SEL1L2: variants seen among roughly 807,000 people sequenced by gnomAD.
The protein encoded by SEL1L2 is SEL1L2 adaptor subunit of SYVN1 ubiquitin ligase.
A neutral mutation model predicts 98.8 loss-of-function variants in SEL1L2; 89 were observed. That is an observed-to-expected ratio of 0.90 (90% confidence interval 0.76 to 1.07). The LOEUF (loss-of-function observed/expected upper bound fraction) is 1.07. Ranked by LOEUF, SEL1L2 falls within the 50% of genes least tolerant of loss-of-function variation. SEL1L2 has a pLI of 0.00. For synonymous variants in SEL1L2, 262 were observed against 278.5 expected, an observed-to-expected ratio of 0.94 and a Z score of 0.59; for missense variants, 788 against 812.0, an observed-to-expected ratio of 0.97 and a Z score of 0.36.
intron 1 of SEL1L2, among the ~76,000 whole-genome samples, chr20:13,983,044 A>AAAAAAAAAAAAC: frequency 6.9e-6 from 1 of 144,294 alleles, no homozygotes; most frequent in Admixed American, 7.0e-5. Context: ...AAAAAAAAAA[A>AAAAAAAAAAAAC]AAAAGCAGCA....
chr20:13,899,676 C>A (rs941756030), intron 5 of SEL1L2, among the ~76,000 whole-genome samples: 1 of 152,074 alleles, frequency 6.6e-6, no homozygotes, highest in East Asian at 1.9e-4. Flanking sequence ...AAGGCCTCAC[C>A]TATTAATATT....
intron 5 of SEL1L2, among the ~76,000 whole-genome samples, chr20:13,895,729 A>G (rs2047395295): frequency 6.6e-6 from 1 of 152,244 alleles, no homozygotes; most frequent in Non-Finnish European, 1.5e-5. Flanking sequence ...CAGCATAGTC[A>G]TGGAAGTCCT....
chr20:13,940,052 G>A (rs2049682878), intron 2 of SEL1L2, among the ~76,000 whole-genome samples: 1 of 152,206 alleles, frequency 6.6e-6, no homozygotes, highest in South Asian at 2.1e-4. Flanking sequence ...AGGAATTGAA[G>A]ATATAGTGAC....
chr20:13,941,745 T>G (rs1357966678), intron 2 of SEL1L2, among the ~76,000 whole-genome samples: 1 of 152,152 alleles, frequency 6.6e-6, no homozygotes, highest in Non-Finnish European at 1.5e-5. Flanking sequence ...TGGGTGCCTA[T>G]ATATGAAACA....
At chr20:13,910,443 C>T (rs1192904466) in intron 5 of SEL1L2, among the ~76,000 whole-genome samples, 1 of 152,078 alleles carries the variant, frequency 6.6e-6, no homozygotes, top group Non-Finnish European at 1.5e-5. Flanking sequence ...TTCAGAGATA[C>T]TAAAAGAATG....
intron 2 of SEL1L2, among the ~76,000 whole-genome samples, chr20:13,952,654 C>T (rs1028126501): frequency 9.9e-5 from 15 of 152,182 alleles, no homozygotes; most frequent in Non-Finnish European, 5.9e-5. Flanking sequence ...TGCCTGCTCC[C>T]GTCTTTCTAG....
At chr20:13,882,027 T>A (rs965383584) in intron 10 of SEL1L2, among the ~76,000 whole-genome samples, 1 of 152,324 alleles carries the variant, frequency 6.6e-6, no homozygotes, top group African/African-American at 2.4e-5. Context: ...TGCATACATA[T>A]GTATATATTA....
chr20:13,905,013 G>GT (rs2148122902), intron 5 of SEL1L2, among the ~76,000 whole-genome samples: 1 of 152,228 alleles, frequency 6.6e-6, no homozygotes, highest in Non-Finnish European at 1.5e-5. Context: ...TGTGAGAGTT[G>GT]TATTTCCATT....
intron 1 of SEL1L2, among the ~76,000 whole-genome samples, chr20:13,956,724 A>G (rs1200546106): frequency 6.6e-6 from 1 of 152,150 alleles, no homozygotes; most frequent in Non-Finnish European, 1.5e-5. Flanking sequence ...TATAGAATAC[A>G]TGCATAATCA....
intron 4 of SEL1L2, among the ~76,000 whole-genome samples, chr20:13,914,556 C>A (rs937892253): frequency 6.6e-6 from 1 of 152,154 alleles, no homozygotes; most frequent in African/African-American, 2.4e-5. Flanking sequence ...CCTGGTCCCA[C>A]CACTTACTAG....
intron 5 of SEL1L2, among the ~76,000 whole-genome samples, chr20:13,912,953 AC>A (rs35754008): frequency 1.3e-3 from 203 of 152,334 alleles, no homozygotes; most frequent in Non-Finnish European, 2.0e-3. Context: ...AGAGAGTGAA[AC>A]AAAGGTCAAA....
intron 2 of SEL1L2, among the ~76,000 whole-genome samples, chr20:13,940,963 G>A (rs953645199): frequency 6.6e-6 from 1 of 152,204 alleles, no homozygotes; most frequent in Non-Finnish European, 1.5e-5. Flanking sequence ...CTAGGCGAAG[G>A]ATGATGTGAC....
At chr20:13,882,587 C>T (rs1199506150) in intron 10 of SEL1L2, among the ~76,000 whole-genome samples, 1 of 152,158 alleles carries the variant, frequency 6.6e-6, no homozygotes, top group Non-Finnish European at 1.5e-5. Flanking sequence ...CATCATAAAC[C>T]AGCCAGCTCT....
At chr20:13,911,862 A>G (rs1453894259) in intron 5 of SEL1L2, among the ~76,000 whole-genome samples, 2 of 152,154 alleles carry the variant, frequency 1.3e-5, no homozygotes, top group Non-Finnish European at 2.9e-5. Context: ...CCTTGCTTAA[A>G]TTTTATATCC....
At chr20:13,883,916 G>A in intron 10 of SEL1L2, among the ~76,000 whole-genome samples, 1 of 152,218 alleles carries the variant, frequency 6.6e-6, no homozygotes, top group East Asian at 1.9e-4. Flanking sequence ...ATCTGACAGA[G>A]TAAAATTATG....
chr20:13,951,834 G>A (rs2050293617), intron 2 of SEL1L2, among the ~76,000 whole-genome samples: 1 of 151,360 alleles, frequency 6.6e-6, no homozygotes, highest in Non-Finnish European at 1.5e-5. Context: ...ACCCCTGCTT[G>A]TTCCTGTGAA....
At chr20:13,990,390 T>C in intron 1 of SEL1L2, 87 bp downstream of exon 1, 1 of 875,936 alleles carries the variant, frequency 1.1e-6, no homozygotes, top group Non-Finnish European at 1.9e-6. Context: ...AAGTTACTTC[T>C]AGTCTTTTAA....
intron 5 of SEL1L2, among the ~76,000 whole-genome samples, chr20:13,890,049 C>T (rs1010638111): frequency 6.6e-6 from 1 of 152,128 alleles, no homozygotes; most frequent in Non-Finnish European, 1.5e-5. Context: ...GGACAGCAGG[C>T]AAGCTCAAAG....
chr20:13,948,239 T>C (rs1442228640), intron 2 of SEL1L2, among the ~76,000 whole-genome samples: 3 of 149,606 alleles, frequency 2.0e-5, no homozygotes, highest in Non-Finnish European at 4.4e-5. Flanking sequence ...AATGGCTTTT[T>C]TTTTTCAGAA....
Sources: allele counts gnomAD v4.1 joint callset (sites outside exome capture counted in the v4.1 genomes callset), GRCh38; gene constraint gnomAD v4.1.1; transcripts MANE v1.5; gene names NCBI Gene and HGNC (gene_info 2026-07-23, HGNC 2026-07-21).